The following RNF34 variants were observed in gnomAD, a reference collection of about 807,000 sequenced individuals.
RNF34 encodes E3 ubiquitin-protein ligase RNF34.
RNF34 carries 12 observed loss-of-function variants against 37.9 expected under a neutral mutation model. The observed-to-expected ratio is 0.32, with a 90% CI of 0.20 to 0.51. RNF34 has a LOEUF of 0.51. Ranked by LOEUF, RNF34 falls within the 20% of genes least tolerant of loss-of-function variation. The pLI is 0.97. For missense variants in RNF34, 362 were observed against 472.7 expected, an observed-to-expected ratio of 0.77 and a Z score of 2.17; for synonymous variants, 155 against 177.2, an observed-to-expected ratio of 0.87 and a Z score of 1.00.
intron 2 of RNF34, chr12:121,416,610 T>C (rs1437299814): frequency 4.9e-6 from 2 of 409,778 alleles, no homozygotes; most frequent in Non-Finnish European, 4.4e-6. Context: ...CTTTGACCTG[T>C]TTGTATCATT....
At chr12:121,416,039 A>G in intron 1 of RNF34, 120 bp from the exon 2 acceptor site, 1 of 725,340 alleles carries the variant, frequency 1.4e-6, no homozygotes, top group Non-Finnish European at 2.4e-6. Context: ...GCCCAGAGGA[A>G]TATAGTAATC....
rs1872404406 is a variant in RNF34 at position 121,424,336 on chromosome 12, T to G, written c.*760T>G. 6.5e-6 allele frequency: 1 copy of G among 152,772 alleles called. No homozygotes were observed. The highest frequency in any genetic ancestry group is 2.4e-5 in the African/African-American group (1 of 41,574). 9.5% of individuals were successfully genotyped at this position (152,772 alleles called of 1,614,324 possible). On this transcript the variant is annotated 3_prime_UTR_variant, in exon 6 of 6. Transcript: ENST00000361234. ...CTGATTTTAACTTTAGGAATAAAATTAGTTTTAAAAGCTTTTGTTTACATT... is the reference window on the plus strand; with the variant it reads ...CTGATTTTAACTTTAGGAATAAAATGAGTTTTAAAAGCTTTTGTTTACATT...
At position 121,420,289 on chromosome 12, in the gene RNF34, CGAT is replaced by C. The variant is rs782112035; in HGVS notation, c.687_689del (p.Asp229del). 86 of 1,592,830 alleles carry C rather than the reference CGAT, an allele frequency of 5.4e-5. No homozygotes were observed. The African/African-American group carries it at 6.1e-4, about 11-fold the overall frequency. On this transcript the variant is annotated inframe_deletion, in exon 4 of 6. Transcript: ENST00000361234. The stretch of plus-strand genomic sequence containing the variant: ...CAAACACAGAAGATGATGATGACGA[CGAT>C]GATGAGGATGATGATGATGAAGAAG...
chr12:121,411,372 C>T (rs1395981515), intron 1 of RNF34, among the ~76,000 whole-genome samples: 1 of 152,128 alleles, frequency 6.6e-6, no homozygotes, highest in Non-Finnish European at 1.5e-5. Context: ...TTGGTATCTA[C>T]ACAGAGAATC....
At chr12:121,410,113 C>T (rs919841590) in intron 1 of RNF34, among the ~76,000 whole-genome samples, 7 of 151,792 alleles carry the variant, frequency 4.6e-5, no homozygotes, top group Non-Finnish European at 1.0e-4. Context: ...AAGATCGTGC[C>T]ATCGCACTCC....
chr12:121,416,650 C>T (rs1871600920), intron 2 of RNF34: 1 of 289,554 alleles, frequency 3.5e-6, no homozygotes, highest in Non-Finnish European at 6.6e-6. Flanking sequence ...TTTCCAAAAG[C>T]AAGAAATTTG....
In RNF34 at chr12:121,417,947, C is replaced by T. The variant is rs782712832; in HGVS notation, c.633+36C>T. The T allele has an allele frequency of 2.0e-5, 32 of 1,592,824 alleles. No individual in the cohort carries two copies. Among genetic ancestry groups the T allele is most frequent in the Non-Finnish European group, 2.7e-5 (32 of 1,169,874 alleles). On this transcript the variant is annotated intron_variant, in intron 3 of 5. Coordinates refer to ENST00000361234, the MANE Select transcript of RNF34 (RefSeq NM_025126.4). The surrounding 1 kb of genome is among the most constrained non-coding windows in gnomAD (Gnocchi z 5.0). ...GTAACTAATTACACCCAGGGCCCGG[C>T]ACGCTTATTCTTGGCCGTATATGGT...
chr12:121,404,481 G>A (rs781958744), intron 1 of RNF34, among the ~76,000 whole-genome samples: 3 of 122,522 alleles, frequency 2.4e-5, no homozygotes, highest in East Asian at 5.6e-4. Flanking sequence ...TGCAGTCTCC[G>A]CCTCAAGTGA....
rs990284735 is a variant in RNF34, at chr12:121,412,906, G to A, written c.7-3253G>A. On this transcript the variant is annotated intron_variant, in intron 1 of 5. Coordinates refer to ENST00000361234, the MANE Select transcript of RNF34 (RefSeq NM_025126.4). ...CTATTTTTGTATTTTTAGTAGAGAC[G>A]GGGTTTCACCATGTTGGCCAGGCTG... 5.2e-4 allele frequency among the ~76,000 whole-genome samples: 79 copies of A among 151,412 alleles called. 1 individual carries two copies. The highest frequency in any genetic ancestry group is 1.8e-3 in the African/African-American group (73 of 41,254).
rs377206024 is a variant in RNF34 at position 121,416,213 on chromosome 12, G to A, written c.61G>A (p.Gly21Arg). 5.0e-6 allele frequency: 8 copies of A among 1,614,114 alleles called. No individual in the cohort carries two copies. Among genetic ancestry groups the A allele is most frequent in the African/African-American group, 1.3e-5 (1 of 75,014 alleles). Reference protein sequence around the residue: ...SCCGLLNEVMGTGAVRGQQSA... With the variant: ...SCCGLLNEVMRTGAVRGQQSA... The stretch of plus-strand genomic sequence containing the variant: ...CTGTGGGCTGCTGAATGAAGTCATG[G>A]GAACTGGAGCTGTCAGGGGCCAGCA... Residue 21 changes from glycine to arginine, a missense_variant, in exon 2 of 6, where the codon GGA becomes AGA. By Grantham distance (125) the Gly-to-Arg change is moderately radical. Coordinates refer to ENST00000361234, the MANE Select transcript of RNF34 (RefSeq NM_025126.4).
intron 1 of RNF34, chr12:121,402,876 G>T: frequency 8.6e-7 from 1 of 1,169,238 alleles, no homozygotes; most frequent in South Asian, 1.2e-5. Flanking sequence ...TTGTCTAAAA[G>T]TATTACATTT....
At chr12:121,406,115 T>C (rs1555280648) in intron 1 of RNF34, among the ~76,000 whole-genome samples, 1 of 152,028 alleles carries the variant, frequency 6.6e-6, no homozygotes, top group African/African-American at 2.4e-5. Context: ...TAGCTCCAAA[T>C]TGGATGTGGA....
rs61760895 is a variant in RNF34, at chr12:121,416,316, C to T, written c.164C>T (p.Thr55Met). 3.1e-6 allele frequency: 5 copies of T among 1,614,094 alleles called. No homozygotes were observed. The Admixed American group carries it at 5.0e-5, about 16-fold the overall frequency. The change falls in exon 2 of 6, where the codon ACG becomes ATG. Residue 55 changes from threonine to methionine, a missense_variant. Coordinates refer to ENST00000361234, the MANE Select transcript of RNF34 (RefSeq NM_025126.4). Reference sequence around the variant, plus strand: ...TTTTCCACCTACCCACCAGCAGCTACGGAAGGGCCCAACATAGTTTGTAAA... The same window carrying T: ...TTTTCCACCTACCCACCAGCAGCTATGGAAGGGCCCAACATAGTTTGTAAA... Reference protein sequence around the residue: ...PEFSTYPPAATEGPNIVCKAC... With the variant: ...PEFSTYPPAAMEGPNIVCKAC...
intron 1 of RNF34, among the ~76,000 whole-genome samples, chr12:121,404,158 G>A (rs1870275802): frequency 7.0e-6 from 1 of 142,694 alleles, no homozygotes; most frequent in East Asian, 2.0e-4. Context: ...GCCATGCCCG[G>A]CTAATTTTTT....
chr12:121,417,404 A>C lies in RNF34; in HGVS notation c.226-100A>C. On this transcript the variant is annotated intron_variant, in intron 2 of 5. Coordinates refer to ENST00000361234, the MANE Select transcript of RNF34 (RefSeq NM_025126.4). The surrounding 1 kb of genome is among the most constrained non-coding windows in gnomAD (Gnocchi z 5.0). ...ATAGTCTGGTGCCACTGGGGACTTC[A>C]CTAAGAACTAAAATTAAATTTTAGT... 9.9e-7 allele frequency: 1 copy of C among 1,013,842 alleles called. No homozygotes were observed. The highest frequency in any genetic ancestry group is 1.4e-6 in the Non-Finnish European group (1 of 695,162). 62.8% of individuals were successfully genotyped at this position (1,013,842 alleles called of 1,614,324 possible).
chr12:121,400,999 A>G (rs1363966700), intron 1 of RNF34, among the ~76,000 whole-genome samples: 1 of 152,154 alleles, frequency 6.6e-6, no homozygotes, highest in African/African-American at 2.4e-5. Flanking sequence ...CATTTGCCGA[A>G]CTCAAACCAA....
At chr12:121,401,968 T>G (rs1411634185) in intron 1 of RNF34, among the ~76,000 whole-genome samples, 2 of 152,252 alleles carry the variant, frequency 1.3e-5, no homozygotes, top group Non-Finnish European at 2.9e-5. Context: ...TTTGGGCTGT[T>G]AAATGTTTAT....
chr12:121,402,438 TTTGGTTTGG>T (rs1870085960), intron 1 of RNF34, among the ~76,000 whole-genome samples: 1 of 151,764 alleles, frequency 6.6e-6, no homozygotes, highest in Non-Finnish European at 1.5e-5. Flanking sequence ...CCTTTGGCGT[TTTGGTTTGG>T]TTTGGTTTGG....
chr12:121,417,699 G>C lies in RNF34; in HGVS notation c.421G>C (p.Glu141Gln). 1 of 1,614,246 alleles carries C rather than the reference G, an allele frequency of 6.2e-7. No homozygotes were observed. The highest frequency in any genetic ancestry group is 8.5e-7 in the Non-Finnish European group (1 of 1,180,046). ...NIPIDTCREK[E>Q]DLVDLVLCHH... is the part of the protein sequence containing the mutation. ...ACCCATAGATACTTGTCGTGAGAAA[G>C]AAGACTTGGTGGATCTAGTACTGTG... Residue 141 changes from glutamate (E) to glutamine (Q), a missense_variant, in exon 3 of 6, where the codon GAA (glutamate) becomes CAA (glutamine). Physicochemically the swap from Glu to Gln is conservative, Grantham distance 29. Transcript: ENST00000361234. The surrounding 1 kb of genome is among the most constrained non-coding windows in gnomAD (Gnocchi z 5.0).
Sources: gnomAD v4.1 joint callset for allele counts (sites outside exome capture counted in the v4.1 genomes callset) on GRCh38, gnomAD v4.1.1 for gene constraint, Gnocchi (gnomAD v3.1) non-coding constraint, MANE v1.5 for transcripts, NCBI Gene and HGNC (gene_info 2026-07-23, HGNC 2026-07-21) for gene names.